TCF7L1: variants seen among roughly 807,000 people sequenced by gnomAD.
The protein encoded by TCF7L1 is transcription factor 7 like 1.
A neutral mutation model predicts 63.7 loss-of-function variants in TCF7L1; 18 were observed. The ratio of observed to expected loss-of-function variants is 0.28; its 90% confidence interval spans 0.20 to 0.42. The LOEUF (loss-of-function observed/expected upper bound fraction) is 0.42. TCF7L1 is among the 10% of genes least tolerant of loss of function. TCF7L1 has a pLI of 1.00. For synonymous variants in TCF7L1, 355 were observed against 340.9 expected (o/e 1.04, Z -0.46); for missense variants, 654 against 779.3 (o/e 0.84, Z 1.91).
At position 85,304,355 on chromosome 2, in the gene TCF7L1, G is replaced by T; in HGVS notation, c.845+17G>T. 7 of 1,611,694 alleles carry T rather than the reference G, an allele frequency of 4.3e-6. No individual in the cohort carries two copies. Among genetic ancestry groups the T allele is most frequent in the Non-Finnish European group, 5.9e-6 (7 of 1,178,956 alleles). On this transcript the variant is annotated intron_variant, in intron 7 of 11. Coordinates refer to ENST00000282111, the MANE Select transcript of TCF7L1 (RefSeq NM_031283.3). The stretch of plus-strand genomic sequence containing the variant: ...GATGTCCAGGTGAGTCCCGGGGCTG[G>T]GGCTGTCCGCATGTTTGTCTTAGCA...
chr2:85,206,241 A>C (rs1679406827), intron 3 of TCF7L1, among the ~76,000 whole-genome samples: 1 of 152,106 alleles, frequency 6.6e-6, no homozygotes, highest in Non-Finnish European at 1.5e-5. Context: ...TCTTCCACCC[A>C]CACACCACTG....
At chr2:85,249,760 A>G (rs1442780751) in intron 3 of TCF7L1, among the ~76,000 whole-genome samples, 2 of 152,064 alleles carry the variant, frequency 1.3e-5, no homozygotes, top group Non-Finnish European at 2.9e-5. Context: ...TTTTCCTGGG[A>G]GAGTAGAAAA....
intron 3 of TCF7L1, among the ~76,000 whole-genome samples, chr2:85,256,746 G>A (rs557636036): frequency 6.6e-6 from 1 of 152,244 alleles, no homozygotes; most frequent in South Asian, 2.1e-4. Context: ...AATTTGGGAG[G>A]CCGAGGTGGG....
intron 3 of TCF7L1, among the ~76,000 whole-genome samples, chr2:85,279,003 G>A (rs1398859695): frequency 6.6e-6 from 1 of 152,246 alleles, no homozygotes; most frequent in African/African-American, 2.4e-5. Flanking sequence ...CCAGGAGGGA[G>A]GTGGCTGGAC....
intron 3 of TCF7L1, among the ~76,000 whole-genome samples, chr2:85,260,001 C>A (rs369871688): frequency 2.0e-5 from 3 of 152,274 alleles, no homozygotes; most frequent in South Asian, 2.1e-4. Context: ...CAGCCTCCCC[C>A]ACAACTGACC....
chr2:85,162,630 A>G (rs745498723), intron 3 of TCF7L1, among the ~76,000 whole-genome samples: 4 of 152,154 alleles, frequency 2.6e-5, no homozygotes, highest in Non-Finnish European at 5.9e-5. Flanking sequence ...TTTCTCCTTT[A>G]AGACCATCTC....
At chr2:85,136,145 G>A (rs1677589835) in intron 3 of TCF7L1, among the ~76,000 whole-genome samples, 1 of 152,152 alleles carries the variant, frequency 6.6e-6, no homozygotes, top group African/African-American at 2.4e-5. Context: ...CTGTGCATCA[G>A]CCCTCAGCCA....
In TCF7L1 at chr2:85,308,531, C is replaced by T. The variant is rs1029419165; in HGVS notation, c.1334-498C>T. Reference sequence around the variant, plus strand: ...TTCTTCTTCCCTCGCTTTCTCCTTCCGCCCTCCCTTTCTCCTTCCCTCCCT... The same window carrying T: ...TTCTTCTTCCCTCGCTTTCTCCTTCTGCCCTCCCTTTCTCCTTCCCTCCCT... On this transcript the variant is annotated intron_variant, in intron 11 of 11. Coordinates refer to ENST00000282111, the MANE Select transcript of TCF7L1 (RefSeq NM_031283.3). Among the ~76,000 whole-genome samples, 11 of 118,412 alleles carry T rather than the reference C, an allele frequency of 9.3e-5. No individual in the cohort carries two copies. In the South Asian group the frequency reaches 1.3e-3, roughly 14 times the overall value. 77.7% of individuals were successfully genotyped at this position (118,412 alleles called of 152,430 possible).
chr2:85,252,097 A>G (rs938267299), intron 3 of TCF7L1, among the ~76,000 whole-genome samples: 3 of 152,128 alleles, frequency 2.0e-5, no homozygotes, highest in Non-Finnish European at 4.4e-5. Flanking sequence ...CTCACACTCC[A>G]GATGCTTCTC....
chr2:85,138,734 C>T (rs1203211703), intron 3 of TCF7L1, among the ~76,000 whole-genome samples: 2 of 152,154 alleles, frequency 1.3e-5, no homozygotes. Context: ...AGTTTGGTCA[C>T]ATTCTTCATT....
Position 85,208,055 on chromosome 2 carries a change from C to T in TCF7L1, c.441+73605C>T, listed in dbSNP as rs184610166. 4.5e-4 allele frequency among the ~76,000 whole-genome samples: 69 copies of T among 152,122 alleles called. No homozygotes were observed. The East Asian group carries it at 8.0e-3, about 18-fold the overall frequency. On this transcript the variant is annotated intron_variant, in intron 3 of 11. Coordinates refer to ENST00000282111, the MANE Select transcript of TCF7L1 (RefSeq NM_031283.3). ...CTGAGTAGCTGGGACTACAGGCGCC[C>T]GCCACCACACATGGCCAATTTTTTG... is the stretch of plus-strand genomic sequence containing the variant.
chr2:85,142,706 G>T (rs978976072), intron 3 of TCF7L1, among the ~76,000 whole-genome samples: 2 of 152,090 alleles, frequency 1.3e-5, no homozygotes, highest in Non-Finnish European at 2.9e-5. Context: ...ATTAGATATA[G>T]TGAACAATAA....
At chr2:85,242,538 C>T (rs1311709540) in intron 3 of TCF7L1, among the ~76,000 whole-genome samples, 1 of 152,216 alleles carries the variant, frequency 6.6e-6, no homozygotes, top group South Asian at 2.1e-4. Flanking sequence ...CGGCTGTGCC[C>T]GCTTCTGCTG....
intron 3 of TCF7L1, among the ~76,000 whole-genome samples, chr2:85,264,876 AT>A (rs1203486766): frequency 2.0e-5 from 3 of 152,124 alleles, no homozygotes; most frequent in African/African-American, 7.2e-5. Flanking sequence ...ATGATATTGA[AT>A]TTGTCCAATA....
chr2:85,214,447 A>G (rs1480635657), intron 3 of TCF7L1, among the ~76,000 whole-genome samples: 1 of 152,178 alleles, frequency 6.6e-6, no homozygotes, highest in Admixed American at 6.5e-5. Flanking sequence ...CGTTGTTGGT[A>G]GTTTTGAATT....
chr2:85,283,329 C>A (rs552281440), intron 3 of TCF7L1, among the ~76,000 whole-genome samples, 166 bp from the exon 4 acceptor site: 3 of 150,920 alleles, frequency 2.0e-5, no homozygotes, highest in Non-Finnish European at 2.9e-5. Context: ...TATGCTCGCT[C>A]CTGTTATAAT....
chr2:85,166,436 G>A (rs755389446), intron 3 of TCF7L1, among the ~76,000 whole-genome samples: 11 of 152,216 alleles, frequency 7.2e-5, no homozygotes, highest in Non-Finnish European at 1.0e-4. Flanking sequence ...TCAGAGAAGA[G>A]CTCCAGGCCT....
intron 4 of TCF7L1, among the ~76,000 whole-genome samples, chr2:85,290,419 G>A (rs952987482): frequency 1.3e-5 from 2 of 152,024 alleles, no homozygotes; most frequent in African/African-American, 2.4e-5. Flanking sequence ...CAAGTGATCC[G>A]CCTGCCTCAG....
chr2:85,247,409 G>A (rs958210825), intron 3 of TCF7L1, among the ~76,000 whole-genome samples: 6 of 152,200 alleles, frequency 3.9e-5, no homozygotes, highest in Non-Finnish European at 7.3e-5. Context: ...ACCCTAGTCC[G>A]TAAATTCCAA....
Sources: allele counts gnomAD v4.1 joint callset (sites outside exome capture counted in the v4.1 genomes callset), GRCh38; gene constraint gnomAD v4.1.1; transcripts MANE v1.5; gene names NCBI Gene and HGNC (gene_info 2026-07-23, HGNC 2026-07-21).